Variants in RNF180 observed in about 807,000 individuals in gnomAD.
RNF180 encodes ring finger protein 180.
RNF180 carries 38 observed loss-of-function variants against 59.2 expected under a neutral mutation model. The ratio of observed to expected loss-of-function variants is 0.64; its 90% CI spans 0.50 to 0.84. The LOEUF (loss-of-function observed/expected upper bound fraction) is 0.84, where lower values mean the gene tolerates loss of function less well. Among genes scored for constraint, RNF180 ranks in the 40% least tolerant of loss-of-function variants. The pLI is 0.00. For synonymous variants in RNF180, 262 were observed against 240.3 expected, an observed-to-expected ratio of 1.09 and a Z score of -0.84; for missense variants, 705 against 700.9, an observed-to-expected ratio of 1.01 and a Z score of -0.07.
intron 1 of RNF180, among the ~76,000 whole-genome samples, chr5:64,174,606 A>G (rs909945817): frequency 6.6e-6 from 1 of 152,068 alleles, no homozygotes; most frequent in Non-Finnish European, 1.5e-5. Flanking sequence ...GGCCATTTAT[A>G]TGTCTTCTTT....
chr5:64,321,471 A>G (rs536666664), intron 5 of RNF180, among the ~76,000 whole-genome samples: 1 of 152,328 alleles, frequency 6.6e-6, no homozygotes, highest in East Asian at 1.9e-4. Flanking sequence ...AGGGATGTAA[A>G]GGACCTCTTC....
intron 5 of RNF180, among the ~76,000 whole-genome samples, chr5:64,220,258 ATTTC>A (rs1752840984): frequency 6.6e-6 from 1 of 151,638 alleles, no homozygotes; most frequent in Admixed American, 6.6e-5. Context: ...ATTTACATAT[ATTTC>A]TTCTCTTTAC....
At chr5:64,166,875 A>G (rs2111840366) in intron 1 of RNF180, among the ~76,000 whole-genome samples, 1 of 152,346 alleles carries the variant, frequency 6.6e-6, no homozygotes, top group Non-Finnish European at 1.5e-5. Flanking sequence ...AACAAAATTT[A>G]GCTCTCAAAG....
chr5:64,183,441 CTTTTTTTTT>C (rs367772828), intron 1 of RNF180, among the ~76,000 whole-genome samples: 21 of 89,898 alleles, frequency 2.3e-4, no homozygotes, highest in Middle Eastern at 7.7e-3. Flanking sequence ...GAAAGTATAC[CTTTTTTTTT>C]TTTTTTTTTT....
intron 7 of RNF180, among the ~76,000 whole-genome samples, 185 bp downstream of exon 7, chr5:64,330,591 GA>G: frequency 6.6e-6 from 1 of 152,206 alleles, no homozygotes; most frequent in Non-Finnish European, 1.5e-5. Context: ...AGAAAATGAA[GA>G]CTATACAATA....
intron 7 of RNF180, among the ~76,000 whole-genome samples, chr5:64,334,141 A>T (rs568261845): frequency 1.3e-5 from 2 of 152,320 alleles, no homozygotes; most frequent in South Asian, 4.1e-4. Flanking sequence ...CCCTGAGGTC[A>T]GGAGGATTGG....
chr5:64,236,391 A>G (rs1388381617), intron 5 of RNF180, among the ~76,000 whole-genome samples: 1 of 152,236 alleles, frequency 6.6e-6, no homozygotes, highest in Non-Finnish European at 1.5e-5. Flanking sequence ...AAAGCATTCA[A>G]GAGGTGACCT....
intron 5 of RNF180, among the ~76,000 whole-genome samples, chr5:64,309,199 A>C (rs1407777918): frequency 6.6e-6 from 1 of 151,740 alleles, no homozygotes; most frequent in African/African-American, 2.4e-5. Context: ...GACTACCTGA[A>C]AGTTAAAAGA....
At position 64,257,952 on chromosome 5, in the gene RNF180, G is replaced by A. The variant is rs536968623; in HGVS notation, c.1227+40556G>A. On this transcript the variant is annotated intron_variant, in intron 5 of 7. Coordinates refer to ENST00000389100, the MANE Select transcript of RNF180 (RefSeq NM_001113561.2). Reference sequence around the variant, plus strand: ...AAAGGACATAGTGCTTGCTGCCTAGGAAAGCTGAGAAGGAGATAAAGGAAG... The same window carrying A: ...AAAGGACATAGTGCTTGCTGCCTAGAAAAGCTGAGAAGGAGATAAAGGAAG... Among the ~76,000 whole-genome samples the A allele has an allele frequency of 1.2e-4, 19 of 152,290 alleles. No individual in the cohort carries two copies. In the South Asian group the frequency reaches 3.9e-3, roughly 32 times the overall value.
At chr5:64,228,915 C>CTTTTTTTTTT (rs373212886) in intron 5 of RNF180, among the ~76,000 whole-genome samples, 3 of 98,490 alleles carry the variant, frequency 3.0e-5, no homozygotes, top group African/African-American at 4.2e-5. Context: ...TCTATTACTG[C>CTTTTTTTTTT]TTTTTTTTTT....
At chr5:64,253,939 T>A (rs1439399508) in intron 5 of RNF180, among the ~76,000 whole-genome samples, 1 of 152,122 alleles carries the variant, frequency 6.6e-6, no homozygotes, top group East Asian at 1.9e-4. Flanking sequence ...CTAGCTATTT[T>A]ATTAAAAGTG....
At chr5:64,246,128 G>T (rs1245204248) in intron 5 of RNF180, among the ~76,000 whole-genome samples, 2 of 152,094 alleles carry the variant, frequency 1.3e-5, no homozygotes. Flanking sequence ...GTGTTTAAAG[G>T]GAAATTTATA....
chr5:64,365,391 A>C (rs1746407929), intron 7 of RNF180, among the ~76,000 whole-genome samples: 1 of 151,484 alleles, frequency 6.6e-6, no homozygotes, highest in Admixed American at 6.6e-5. Context: ...TTTCAGTTTT[A>C]ATTTTCTGGG....
chr5:64,234,578 CTTTTTTTTTTTTTTTTTTTTTTTTTT>C (rs1171637074), intron 5 of RNF180, among the ~76,000 whole-genome samples: 1 of 48,500 alleles, frequency 2.1e-5, no homozygotes, highest in East Asian at 7.7e-4. Flanking sequence ...GTTACCCGTT[CTTTTTTTTTTTTTTTTTTTTTTTTTT>C]TTTTTTTTTT....
At chr5:64,203,564 G>A (rs1751860369) in intron 2 of RNF180, among the ~76,000 whole-genome samples, 1 of 151,944 alleles carries the variant, frequency 6.6e-6, no homozygotes, top group Non-Finnish European at 1.5e-5. Context: ...AATAAAAGAT[G>A]TAAACCATTG....
chr5:64,309,367 A>C (rs1277072819), intron 5 of RNF180, among the ~76,000 whole-genome samples: 3 of 151,752 alleles, frequency 2.0e-5, no homozygotes, highest in African/African-American at 7.2e-5. Context: ...ATTCACTCAG[A>C]GTACATAATG....
At chr5:64,277,891 GC>G (rs1043683963) in intron 5 of RNF180, among the ~76,000 whole-genome samples, 3 of 152,142 alleles carry the variant, frequency 2.0e-5, no homozygotes, top group African/African-American at 7.2e-5. Context: ...GCTGAAGAAT[GC>G]CTAGGTAAAC....
chr5:64,363,251 C>T (rs1474824749), intron 7 of RNF180, among the ~76,000 whole-genome samples: 3 of 151,664 alleles, frequency 2.0e-5, no homozygotes, highest in African/African-American at 7.3e-5. Context: ...GTCTTTAACC[C>T]ATTTGAATTG....
chr5:64,246,513 G>T (rs868728731), intron 5 of RNF180, among the ~76,000 whole-genome samples: 15 of 152,292 alleles, frequency 9.8e-5, no homozygotes, highest in Middle Eastern at 3.4e-3. Flanking sequence ...AAATCTAGAA[G>T]AAATGGATAA....
Sources: allele counts gnomAD v4.1 joint callset (sites outside exome capture counted in the v4.1 genomes callset), GRCh38; gene constraint gnomAD v4.1.1; transcripts MANE v1.5; gene names NCBI Gene and HGNC (gene_info 2026-07-23, HGNC 2026-07-21).